The following TEC variants were observed in gnomAD, a reference collection of about 807,000 sequenced individuals.
TEC encodes the protein tec protein tyrosine kinase.
Under a neutral mutation model 93.0 loss-of-function variants are expected in TEC, and 72 were observed. That is an observed-to-expected ratio of 0.77 (90% CI 0.64 to 0.94). The LOEUF (loss-of-function observed/expected upper bound fraction) is 0.94, where lower values mean the gene tolerates loss of function less well. Among genes scored for constraint, TEC ranks in the 40% least tolerant of loss-of-function variants. The pLI, the probability that TEC is intolerant of heterozygous loss-of-function variation, is 0.00. For synonymous variants in TEC, 249 were observed against 247.7 expected, an observed-to-expected ratio of 1.01 and a Z score of -0.05; for missense variants, 630 against 757.9, an observed-to-expected ratio of 0.83 and a Z score of 1.98.
intron 13 of TEC, 52 bp downstream of exon 13, chr4:48,145,356 G>A (rs1719860964): frequency 3.1e-6 from 5 of 1,611,458 alleles, no homozygotes; most frequent in Middle Eastern, 1.7e-4. Flanking sequence ...TTTTTGGTAA[G>A]GGGCCACTTC....
chr4:48,158,873 TG>T (rs1560380855), intron 8 of TEC, among the ~76,000 whole-genome samples: 2 of 152,170 alleles, frequency 1.3e-5, no homozygotes, highest in Non-Finnish European at 2.9e-5. Context: ...TTTATGGTGT[TG>T]GCAAGTTCCC....
At chr4:48,171,289 T>C in intron 4 of TEC, 79 bp downstream of exon 4, 1 of 1,120,384 alleles carries the variant, frequency 8.9e-7, no homozygotes, top group Non-Finnish European at 1.3e-6. Context: ...ATAGATACAT[T>C]AGCTGTATTT....
At chr4:48,145,881 A>G (rs946826746) in intron 12 of TEC, among the ~76,000 whole-genome samples, 1 of 151,506 alleles carries the variant, frequency 6.6e-6, no homozygotes, top group African/African-American at 2.4e-5. Flanking sequence ...CTTCTTTACC[A>G]CTCTTCCTTC....
intron 2 of TEC, among the ~76,000 whole-genome samples, chr4:48,188,645 A>G (rs1437665150): frequency 1.3e-5 from 2 of 152,160 alleles, no homozygotes; most frequent in Non-Finnish European, 2.9e-5. Context: ...ATACACAGAC[A>G]TAAACATGCA....
Position 48,137,301 on chromosome 4 carries a change from T to C in TEC, c.*115A>G. On this transcript the variant is annotated 3_prime_UTR_variant, in exon 18 of 18. Transcript: ENST00000381501. ...GGTCTAGAAGCAAATTATTTATGTG[T>C]TTCCACTGTATAAGTAAAATGATCT... 1 of 775,170 alleles carries C rather than the reference T, an allele frequency of 1.3e-6. No homozygotes were observed. Among genetic ancestry groups the C allele is most frequent in the Non-Finnish European group, 2.1e-6 (1 of 471,634 alleles). 48.0% of individuals were successfully genotyped at this position (775,170 alleles called of 1,614,324 possible).
At position 48,138,797 on chromosome 4, in the gene TEC, C is replaced by T. The variant is rs141499442; in HGVS notation, c.1680G>A (p.Thr560=). Residue 560 remains threonine, a synonymous_variant, in exon 17 of 18, where the codon ACG becomes ACA. Coordinates refer to ENST00000381501, the MANE Select transcript of TEC (RefSeq NM_003215.3). ...ATTTTTCAAAAGGCATTCTGCCTTCCGTGAATACTTCCCACATTAAAACAC... is the reference window on the plus strand; with the variant it reads ...ATTTTTCAAAAGGCATTCTGCCTTCTGTGAATACTTCCCACATTAAAACAC... The part of the protein sequence containing the change: ...SFGVLMWEVF[T]EGRMPFEKYT... The T allele has an allele frequency of 2.8e-4, 446 of 1,613,798 alleles. No homozygotes were observed. Among genetic ancestry groups the T allele is most frequent in the Admixed American group, 1.0e-3 (62 of 59,964 alleles).
chr4:48,169,367 C>G (rs1721010051), intron 5 of TEC, among the ~76,000 whole-genome samples: 1 of 151,912 alleles, frequency 6.6e-6, no homozygotes, highest in African/African-American at 2.4e-5. Context: ...AATACCAAAC[C>G]TTAAGACATT....
At chr4:48,186,598 G>A (rs528871759) in intron 2 of TEC, among the ~76,000 whole-genome samples, 2,381 of 151,826 alleles carry the variant, frequency 0.016, 68 homozygotes, top group African/African-American at 0.055. Flanking sequence ...CGTCTGAGAA[G>A]TGAGGAGCCC....
At chr4:48,153,671 A>AAACAAC (rs929434377) in intron 9 of TEC, 1 of 152,218 alleles carries the variant, frequency 6.6e-6, no homozygotes. Context: ...AATGAGTTAA[A>AAACAAC]AACAACAACA....
intron 2 of TEC, among the ~76,000 whole-genome samples, chr4:48,199,020 G>T (rs1722399192): frequency 6.6e-6 from 1 of 151,992 alleles, no homozygotes; most frequent in Admixed American, 6.6e-5. Flanking sequence ...TATTCTATCG[G>T]CCAGAGGCTT....
intron 2 of TEC, among the ~76,000 whole-genome samples, chr4:48,202,506 T>C (rs1722564507): frequency 6.6e-6 from 1 of 151,912 alleles, no homozygotes; most frequent in African/African-American, 2.4e-5. Flanking sequence ...GCAGAGGTTG[T>C]AGTGAGCCAA....
At chr4:48,154,588 G>C (rs1720318381) in intron 9 of TEC, among the ~76,000 whole-genome samples, 1 of 152,020 alleles carries the variant, frequency 6.6e-6, no homozygotes. Context: ...TTTTGCTTAA[G>C]AAAAAGTAAT....
At chr4:48,227,658 A>AC (rs1338161021) in intron 2 of TEC, among the ~76,000 whole-genome samples, 1 of 151,788 alleles carries the variant, frequency 6.6e-6, no homozygotes, top group East Asian at 1.9e-4. Context: ...AAAAAAAAAA[A>AC]AAACTAAACC....
At chr4:48,194,974 T>C (rs1722243813) in intron 2 of TEC, among the ~76,000 whole-genome samples, 1 of 152,206 alleles carries the variant, frequency 6.6e-6, no homozygotes, top group Non-Finnish European at 1.5e-5. Flanking sequence ...ATAAAATTAT[T>C]TTTAAAACAA....
intron 6 of TEC, 68 bp downstream of exon 6, chr4:48,168,518 C>G (rs1356071144): frequency 1.3e-6 from 2 of 1,535,480 alleles, no homozygotes; most frequent in Non-Finnish European, 1.8e-6. Context: ...GTCACAAACA[C>G]TACCAAAACT....
chr4:48,247,294 T>G (rs1396862797), intron 1 of TEC, among the ~76,000 whole-genome samples: 1 of 152,206 alleles, frequency 6.6e-6, no homozygotes, highest in Non-Finnish European at 1.5e-5. Context: ...CTGCTGGAAA[T>G]GTAAAATGGT....
intron 12 of TEC, 88 bp downstream of exon 12, chr4:48,146,237 T>C (rs561334477): frequency 3.3e-5 from 40 of 1,218,018 alleles, no homozygotes; most frequent in Non-Finnish European, 4.0e-5. Context: ...AGTTCCAGTA[T>C]GTGAAATAGT....
intron 1 of TEC, among the ~76,000 whole-genome samples, chr4:48,247,403 A>C (rs1193368224): frequency 6.6e-6 from 1 of 152,234 alleles, no homozygotes; most frequent in Non-Finnish European, 1.5e-5. Context: ...ACCCAACAGA[A>C]TTAAAAACAC....
At chr4:48,144,665 T>C (rs553188129) in intron 14 of TEC, among the ~76,000 whole-genome samples, 35 of 152,336 alleles carry the variant, frequency 2.3e-4, no homozygotes, top group African/African-American at 8.2e-4. Context: ...TTTCTTTTTA[T>C]AGTGTGTGAG....
Sources: allele counts gnomAD v4.1 joint callset (sites outside exome capture counted in the v4.1 genomes callset), GRCh38; gene constraint gnomAD v4.1.1; transcripts MANE v1.5; gene names NCBI Gene and HGNC (gene_info 2026-07-23, HGNC 2026-07-21).